HECW1: variants seen among roughly 807,000 people sequenced by gnomAD.
HECW1 encodes the protein HECT, C2 and WW domain containing E3 ubiquitin protein ligase 1, also known as E3 ubiquitin-protein ligase HECW1.
A neutral mutation model predicts 182.3 loss-of-function variants in HECW1; 61 were observed. That is an observed-to-expected ratio of 0.33 (90% confidence interval 0.27 to 0.41). The LOEUF (loss-of-function observed/expected upper bound fraction) is 0.41. HECW1 is among the 10% of genes least tolerant of loss of function. The pLI, the probability that HECW1 is intolerant of heterozygous loss-of-function variation, is 1.00. For missense variants in HECW1, 1,739 were observed against 2,108.9 expected (o/e 0.82, Z 3.44); for synonymous variants, 859 against 832.6 (o/e 1.03, Z -0.55).
chr7:43,165,397 C>T (rs1056043317), intron 2 of HECW1, among the ~76,000 whole-genome samples: 5 of 137,102 alleles, frequency 3.6e-5, no homozygotes, highest in African/African-American at 8.6e-5. Flanking sequence ...GGGCTTTTGG[C>T]GGGGGGGGGT....
rs2082228792 is a variant in HECW1 at position 43,562,303 on chromosome 7, G to C, written c.*377G>C. On this transcript the variant is annotated 3_prime_UTR_variant, in exon 30 of 30. Transcript: ENST00000395891. ...TTCTATCATTGAAGGGAAAATGTGA[G>C]CATTAAGCACTCCAGGCTTTCATAT... The C allele has an allele frequency of 4.1e-6, 1 of 244,078 alleles. No individual in the cohort carries two copies. Among genetic ancestry groups the C allele is most frequent in the Non-Finnish European group, 8.0e-6 (1 of 125,500 alleles). 15.1% of individuals were successfully genotyped at this position (244,078 alleles called of 1,614,324 possible).
rs1338663039 is a variant in HECW1 at position 43,488,365 on chromosome 7, AGG to A, written c.3235-3709_3235-3708del. Among the ~76,000 whole-genome samples, 612 of 135,050 alleles carry A rather than the reference AGG, an allele frequency of 4.5e-3. 23 individuals carry two copies. Among genetic ancestry groups the A allele is most frequent in the Non-Finnish European group, 7.5e-3 (474 of 62,784 alleles). 88.6% of individuals were successfully genotyped at this position (135,050 alleles called of 152,430 possible). A position where few individuals can be genotyped will look rare whatever the true frequency, so the allele number is the denominator to read the frequency against. Reference sequence around the variant, plus strand: ...AAGGAAGGAAGGAAGGAAGGAAGGAAGGAAGGAAGGAAGGAAGGAAGGAAGGA... The same window carrying A: ...AAGGAAGGAAGGAAGGAAGGAAGGAAAAGGAAGGAAGGAAGGAAGGAAGGA... On this transcript the variant is annotated intron_variant, in intron 17 of 29. Transcript: ENST00000395891.
chr7:43,379,580 C>G (rs771600533), intron 6 of HECW1, among the ~76,000 whole-genome samples: 1 of 152,188 alleles, frequency 6.6e-6, no homozygotes, highest in Non-Finnish European at 1.5e-5. Context: ...CTGCCCTTGC[C>G]TGACACTGCC....
chr7:43,328,713 A>G (rs569612938), intron 5 of HECW1, among the ~76,000 whole-genome samples: 1 of 152,240 alleles, frequency 6.6e-6, no homozygotes, highest in Non-Finnish European at 1.5e-5. Flanking sequence ...AGCCAGAAAG[A>G]TATAACCGGA....
chr7:43,442,478 T>C lies in HECW1; in HGVS notation c.945-51T>C, dbSNP rs1250288733. ...GTATAGAAAGCACACTGCATGGTCA[T>C]TAGGAAGAGAGGTATTGACCAGAAC... is the stretch of plus-strand genomic sequence containing the variant. On this transcript the variant is annotated intron_variant, in intron 9 of 29. Coordinates refer to ENST00000395891, the MANE Select transcript of HECW1 (RefSeq NM_015052.5). The C allele has an allele frequency of 3.0e-6, 4 of 1,319,448 alleles. No individual in the cohort carries two copies. The South Asian group carries it at 4.9e-5, about 16-fold the overall frequency. 81.7% of individuals were successfully genotyped at this position (1,319,448 alleles called of 1,614,324 possible).
At chr7:43,233,415 CT>C (rs1798048428) in intron 2 of HECW1, among the ~76,000 whole-genome samples, 1 of 152,104 alleles carries the variant, frequency 6.6e-6, no homozygotes, top group Non-Finnish European at 1.5e-5. Context: ...CTGCTGTTTG[CT>C]TTTCAATGTC....
chr7:43,383,640 A>G (rs1404928380), intron 6 of HECW1, among the ~76,000 whole-genome samples: 1 of 152,156 alleles, frequency 6.6e-6, no homozygotes. Flanking sequence ...ATTTTCTTAT[A>G]AATTTGTTCA....
chr7:43,403,021 G>A (rs1030551845), intron 7 of HECW1, among the ~76,000 whole-genome samples: 1 of 152,174 alleles, frequency 6.6e-6, no homozygotes, highest in African/African-American at 2.4e-5. Flanking sequence ...ATTATTAAAT[G>A]CTATATACTC....
At chr7:43,374,705 C>T (rs1217264293) in intron 6 of HECW1, among the ~76,000 whole-genome samples, 1 of 45,890 alleles carries the variant, frequency 2.2e-5, no homozygotes, top group Non-Finnish European at 3.4e-5. Flanking sequence ...ACCCGGGAGG[C>T]GGAGCTTGCA....
At chr7:43,204,275 G>T (rs549517446) in intron 2 of HECW1, among the ~76,000 whole-genome samples, 69 of 152,270 alleles carry the variant, frequency 4.5e-4, no homozygotes, top group South Asian at 8.3e-4. Context: ...CTCATGTAAA[G>T]TTTGTTGAAT....
intron 5 of HECW1, among the ~76,000 whole-genome samples, chr7:43,350,383 G>T (rs1814274583): frequency 6.6e-6 from 1 of 152,142 alleles, no homozygotes. Context: ...GGTGTTCTTT[G>T]TGCTTCTTGT....
intron 17 of HECW1, among the ~76,000 whole-genome samples, chr7:43,483,611 C>T (rs2078518691): frequency 2.1e-5 from 3 of 139,720 alleles, no homozygotes; most frequent in South Asian, 2.4e-4. Flanking sequence ...TGCAGTGGTG[C>T]GATCTCGGCT....
chr7:43,262,227 T>A (rs1238808181), intron 3 of HECW1, among the ~76,000 whole-genome samples: 7 of 141,280 alleles, frequency 5.0e-5, no homozygotes, highest in South Asian at 2.2e-4. Context: ...TCTCAAAAAA[T>A]ATATATATAT....
At chr7:43,449,372 T>C (rs938747688) in intron 11 of HECW1, among the ~76,000 whole-genome samples, 2 of 152,224 alleles carry the variant, frequency 1.3e-5, no homozygotes, top group Non-Finnish European at 2.9e-5. Flanking sequence ...TTGAGTAACA[T>C]AGCAGAATTT....
At chr7:43,300,469 G>A (rs1227475854) in intron 3 of HECW1, among the ~76,000 whole-genome samples, 1 of 152,178 alleles carries the variant, frequency 6.6e-6, no homozygotes, top group East Asian at 1.9e-4. Context: ...GGGTGGAAGA[G>A]GGATAGAAGA....
At chr7:43,430,074 T>C (rs1337487647) in intron 8 of HECW1, among the ~76,000 whole-genome samples, 1 of 152,234 alleles carries the variant, frequency 6.6e-6, no homozygotes, top group Non-Finnish European at 1.5e-5. Flanking sequence ...ATCCTTAACC[T>C]TTTCTGAATT....
intron 3 of HECW1, among the ~76,000 whole-genome samples, chr7:43,308,203 ATTTTT>A (rs1807965621): frequency 7.0e-5 from 7 of 100,668 alleles, no homozygotes; most frequent in Admixed American, 3.0e-4. Context: ...ATTTATATAT[ATTTTT>A]ATATATTATG....
intron 13 of HECW1, among the ~76,000 whole-genome samples, chr7:43,461,089 C>T (rs1015509924): frequency 6.6e-6 from 1 of 152,372 alleles, no homozygotes; most frequent in African/African-American, 2.4e-5. Context: ...CTACACCAAA[C>T]GTAGTGGCAT....
At chr7:43,140,361 C>T (rs1237264035) in intron 2 of HECW1, among the ~76,000 whole-genome samples, 1 of 152,178 alleles carries the variant, frequency 6.6e-6, no homozygotes, top group Non-Finnish European at 1.5e-5. Flanking sequence ...GACTGATGAG[C>T]GACTGTGCCC....
Sources: allele counts gnomAD v4.1 joint callset (sites outside exome capture counted in the v4.1 genomes callset), GRCh38; gene constraint gnomAD v4.1.1; transcripts MANE v1.5; gene names NCBI Gene and HGNC (gene_info 2026-07-23, HGNC 2026-07-21).